The following FZD8 variants were observed in gnomAD, a reference collection of about 807,000 sequenced individuals.
FZD8 encodes frizzled-8.
In FZD8, 18 loss-of-function variants were observed where a neutral mutation model predicts 46.0. The observed-to-expected ratio is 0.39, with a 90% CI of 0.27 to 0.58. FZD8 has a LOEUF of 0.58. Ranked by LOEUF, FZD8 falls within the 20% of genes least tolerant of loss-of-function variation. The probability of loss-of-function intolerance (pLI) is 0.55; values close to 1 mark genes in which losing one functional copy is unlikely to be tolerated. For missense variants in FZD8, 785 were observed against 983.4 expected (o/e 0.80, Z 2.70); for synonymous variants, 586 against 467.9 (o/e 1.25, Z -3.26).
At position 35,641,103 on chromosome 10, in the gene FZD8, C is replaced by G. The variant is rs374523643; in HGVS notation, c.327G>C (p.Ser109=). 2.3e-5 allele frequency: 37 copies of G among 1,612,200 alleles called. No individual in the cohort carries two copies. The highest frequency in any genetic ancestry group is 1.6e-4 in the African/African-American group (12 of 75,014). Residue 109 remains serine, a synonymous_variant, in exon 1 of 1, where the codon TCG becomes TCC. Transcript: ENST00000374694. This position sits in a 1 kb window ranked among gnomAD's most constrained non-coding sequence, Gnocchi z 6.3. ...AGCCGGCCTTGGCGCGCTCGCACACCGAGCGGCAGGGCGGCAGCGGCTTCT... is the reference window on the plus strand; with the variant it reads ...AGCCGGCCTTGGCGCGCTCGCACACGGAGCGGCAGGGCGGCAGCGGCTTCT... ...DYKKPLPPCR[S]VCERAKAGCA...
At position 35,641,185 on chromosome 10, in the gene FZD8, G is replaced by T; in HGVS notation, c.245C>A (p.Pro82His). ...GCTGCACAGGAAGAACTTGAGATCG[G>T]GCGAGCACTGGATCTCCACCAGCGG... is the stretch of plus-strand genomic sequence containing the variant. ...FWPLVEIQCS[P>H]DLKFFLCSMY... The change falls in exon 1 of 1, where the codon CCC (proline) becomes CAC (histidine). Residue 82 changes from proline (P) to histidine (H), a missense_variant. Around this residue, in one of 5 missense-constraint regions of FZD8, gnomAD observed 354 missense variants for 433.2 expected, o/e 0.82. Transcript: ENST00000374694. The surrounding 1 kb of genome is among the most constrained non-coding windows in gnomAD (Gnocchi z 6.3). The T allele has an allele frequency of 6.2e-7, 1 of 1,613,968 alleles. No individual in the cohort carries two copies. The highest frequency in any genetic ancestry group is 8.5e-7 in the Non-Finnish European group (1 of 1,179,904).
rs766807354 is a variant in FZD8, at chr10:35,641,320, T to C, written c.110A>G (p.Glu37Gly). The stretch of plus-strand genomic sequence containing the variant: ...GCCCTTACACAGCGGCACGGTGATC[T>C]CTTGGCATGCCAGCTCCTTGGCCGA... The part of the protein sequence containing the change: ...AASAKELACQ[E>G]ITVPLCKGIG... The change falls in exon 1 of 1, where the codon GAG (glutamate) becomes GGG (glycine). Residue 37 changes from glutamate to glycine, a missense_variant. This residue lies in a region of FZD8 where 354 missense variants were observed against 433.2 expected (regional missense o/e 0.82). Transcript: ENST00000374694. This position sits in a 1 kb window ranked among gnomAD's most constrained non-coding sequence, Gnocchi z 6.3. The C allele has an allele frequency of 3.7e-6, 6 of 1,613,968 alleles. No homozygotes were observed. Among genetic ancestry groups the C allele is most frequent in the Non-Finnish European group, 5.1e-6 (6 of 1,179,912 alleles).
At position 35,639,504 on chromosome 10, in the gene FZD8, G is replaced by A; in HGVS notation, c.1926C>T (p.Gly642=). 1.1e-6 allele frequency: 1 copy of A among 928,664 alleles called. No individual in the cohort carries two copies. 57.5% of individuals were successfully genotyped at this position (928,664 alleles called of 1,614,324 possible). A position where few individuals can be genotyped will look rare whatever the true frequency, so the allele number is the denominator to read the frequency against. The change falls in exon 1 of 1, where the codon GGC becomes GGT. Residue 642 remains glycine (G), a synonymous_variant. Transcript: ENST00000374694. ...CCCCGCCGCCGCCGCCCCCCGGCCCGCCGCCACCCCCCGCGGCCGTGGCGC... is the reference window on the plus strand; with the variant it reads ...CCCCGCCGCCGCCGCCCCCCGGCCCACCGCCACCCCCCGCGGCCGTGGCGC... ...GAGATAAGGG[G]GPGGGGGGGP...
Position 35,639,900 on chromosome 10 carries a change from G to T in FZD8, c.1530C>A (p.Ile510=). The part of the protein sequence containing the change: ...LLAGFVSLFR[I]RSVIKQQDGP... ...CGTCCTGTTGCTTGATGACCGAGCG[G>T]ATGCGGAAGAGGGACACGAAGCCGG... The change falls in exon 1 of 1, where the codon ATC becomes ATA. Residue 510 remains isoleucine, a synonymous_variant. Coordinates refer to ENST00000374694, the MANE Select transcript of FZD8 (RefSeq NM_031866.3). 2.5e-6 allele frequency: 4 copies of T among 1,612,748 alleles called. No homozygotes were observed. Among genetic ancestry groups the T allele is most frequent in the Non-Finnish European group, 3.4e-6 (4 of 1,179,942 alleles).
At position 35,641,487 on chromosome 10, in the gene FZD8, G is replaced by GT. The variant is rs1038491757; in HGVS notation, c.-59_-58insA. ...CAGGCGGCGCGCAGAGGGGTGCCGG[G>GT]GGGGGGGCCCACGAGAGAGCCGCAG... is the stretch of plus-strand genomic sequence containing the variant. On this transcript the variant is annotated 5_prime_UTR_variant, in exon 1 of 1. Coordinates refer to ENST00000374694, the MANE Select transcript of FZD8 (RefSeq NM_031866.3). The surrounding 1 kb of genome is among the most constrained non-coding windows in gnomAD (Gnocchi z 6.3). 1,073 of 1,334,850 alleles carry GT rather than the reference G, an allele frequency of 8.0e-4. 3 individuals carry two copies. The highest frequency in any genetic ancestry group is 9.9e-4 in the Non-Finnish European group (995 of 1,004,608). 82.7% of individuals were successfully genotyped at this position (1,334,850 alleles called of 1,614,324 possible).
chr10:35,639,873 G>C lies in FZD8; in HGVS notation c.1557C>G (p.Gly519=). The part of the protein sequence containing the change: ...RIRSVIKQQD[G]PTKTHKLEKL... The stretch of plus-strand genomic sequence containing the variant: ...TCTCCAGCTTGTGCGTCTTGGTGGG[G>C]CCGTCCTGTTGCTTGATGACCGAGC... Residue 519 remains glycine (G), a synonymous_variant, in exon 1 of 1, where the codon GGC becomes GGG. Coordinates refer to ENST00000374694, the MANE Select transcript of FZD8 (RefSeq NM_031866.3). 1 of 1,611,172 alleles carries C rather than the reference G, an allele frequency of 6.2e-7. No individual in the cohort carries two copies. The highest frequency in any genetic ancestry group is 8.5e-7 in the Non-Finnish European group (1 of 1,179,888).
In FZD8 at chr10:35,639,813, G is replaced by C. The variant is rs1161838091; in HGVS notation, c.1617C>G (p.Leu539=). 3 of 1,604,394 alleles carry C rather than the reference G, an allele frequency of 1.9e-6. No homozygotes were observed. The highest frequency in any genetic ancestry group is 2.2e-5 in the South Asian group (2 of 91,054). ...LMIRLGLFTV[L]YTVPAAVVVA... is the part of the protein sequence containing the mutation. ...CCACCACCGCGGCGGGCACGGTGTA[G>C]AGCACGGTGAACAGGCCCAGGCGGA... is the stretch of plus-strand genomic sequence containing the variant. The change falls in exon 1 of 1, where the codon CTC becomes CTG. Residue 539 remains leucine (L), a synonymous_variant. Coordinates refer to ENST00000374694, the MANE Select transcript of FZD8 (RefSeq NM_031866.3).
In FZD8 at chr10:35,640,976, T is replaced by C; in HGVS notation, c.454A>G (p.Asn152Asp). Reference protein sequence around the residue: ...GNPDTLCMDYNRTDLTTAAPS... With the variant: ...GNPDTLCMDYDRTDLTTAAPS... ...GCGGCGGTGGTTAGGTCGGTGCGGT[T>C]GTAGTCCATGCACAGCGTGTCAGGG... Residue 152 changes from asparagine to aspartate, a missense_variant, in exon 1 of 1, where the codon AAC becomes GAC. Asn to Asp is a conservative substitution (Grantham distance 23). This residue lies in a region of FZD8 where 354 missense variants were observed against 433.2 expected (regional missense o/e 0.82). Coordinates refer to ENST00000374694, the MANE Select transcript of FZD8 (RefSeq NM_031866.3). 6.3e-7 allele frequency: 1 copy of C among 1,596,116 alleles called. No homozygotes were observed. Among genetic ancestry groups the C allele is most frequent in the Non-Finnish European group, 8.5e-7 (1 of 1,172,870 alleles).
rs756111900 is a variant in FZD8, at chr10:35,640,337, C to G, written c.1093G>C (p.Ala365Pro). The G allele has an allele frequency of 3.6e-4, 351 of 963,600 alleles. 4 individuals are homozygous for G. In the South Asian group the frequency reaches 8.3e-3, roughly 23 times the overall value. The allele number at this position is 963,600 out of a possible 1,614,324, so 59.7% of individuals were successfully genotyped here. ...CGCCCGCCCGGGCCGCCCGCGCCCG[C>G]GCCCGCCGCGCCCGCGCCCGCCGCC... is the stretch of plus-strand genomic sequence containing the variant. ...GAAAGAGAAG[A>P]GAGGPGGRGE... The change falls in exon 1 of 1, where the codon GCG becomes CCG. Residue 365 changes from alanine (A) to proline (P), a missense_variant. Transcript: ENST00000374694.
In FZD8 at chr10:35,641,233, C is replaced by T; in HGVS notation, c.197G>A (p.Gly66Asp). 1 of 1,614,086 alleles carries T rather than the reference C, an allele frequency of 6.2e-7. No individual in the cohort carries two copies. Among genetic ancestry groups the T allele is most frequent in the Non-Finnish European group, 8.5e-7 (1 of 1,179,956 alleles). Residue 66 changes from glycine (G) to aspartate (D), a missense_variant, in exon 1 of 1, where the codon GGC becomes GAC. Coordinates refer to ENST00000374694, the MANE Select transcript of FZD8 (RefSeq NM_031866.3). This position sits in a 1 kb window ranked among gnomAD's most constrained non-coding sequence, Gnocchi z 6.3. ...CGGCCAGAACTGGTGCACCTCCAGG[C>T]CCGCCTCGTCTTGCGTGTCGTGGTT... Reference protein sequence around the residue: ...QFNHDTQDEAGLEVHQFWPLV... With the variant: ...QFNHDTQDEADLEVHQFWPLV...
In FZD8 at chr10:35,639,741, G is replaced by C; in HGVS notation, c.1689C>G (p.Ala563=). Residue 563 remains alanine, a synonymous_variant, in exon 1 of 1, where the codon GCC becomes GCG. Transcript: ENST00000374694. ...YEQHNRPRWE[A]THNCPCLRDL... is the part of the protein sequence containing the mutation. ...CCCGCAGGCACGGGCAGTTGTGCGT[G>C]GCCTCCCAGCGCGGGCGGTTGTGCT... 2 of 1,600,286 alleles carry C rather than the reference G, an allele frequency of 1.2e-6. No homozygotes were observed. Among genetic ancestry groups the C allele is most frequent in the East Asian group, 4.5e-5 (2 of 44,872 alleles).
chr10:35,640,854 G>A lies in FZD8; in HGVS notation c.576C>T (p.His192=), dbSNP rs1835848604. Residue 192 remains histidine (H), a synonymous_variant, in exon 1 of 1, where the codon CAC becomes CAT. Transcript: ENST00000374694. The stretch of plus-strand genomic sequence containing the variant: ...CGCCACCGCCCCTGCCGCCGCCGCG[G>A]TGCGGGGGCCTGGCCCCCGGCGGGC... The part of the protein sequence containing the change: ...HGRPPGARPP[H]RGGGRGGGGG... The A allele has an allele frequency of 2.0e-6, 2 of 978,742 alleles. No homozygotes were observed. Among genetic ancestry groups the A allele is most frequent in the South Asian group, 4.6e-5 (1 of 21,654 alleles). 60.6% of individuals were successfully genotyped at this position (978,742 alleles called of 1,614,324 possible).
chr10:35,639,871 G>T lies in FZD8; in HGVS notation c.1559C>A (p.Pro520His). Residue 520 changes from proline to histidine, a missense_variant, in exon 1 of 1, where the codon CCC becomes CAC. Physicochemically the swap from Pro to His is moderately conservative, Grantham distance 77. This residue lies in a region of FZD8 where 147 missense variants were observed against 242.5 expected (regional missense o/e 0.61). Transcript: ENST00000374694. Reference protein sequence around the residue: ...IRSVIKQQDGPTKTHKLEKLM... With the variant: ...IRSVIKQQDGHTKTHKLEKLM... ...CTTCTCCAGCTTGTGCGTCTTGGTG[G>T]GGCCGTCCTGTTGCTTGATGACCGA... The T allele has an allele frequency of 6.2e-7, 1 of 1,611,116 alleles. No individual in the cohort carries two copies.
rs1237722747 is a variant in FZD8, at chr10:35,639,275, G to C, written c.*70C>G. On this transcript the variant is annotated 3_prime_UTR_variant, in exon 1 of 1. Coordinates refer to ENST00000374694, the MANE Select transcript of FZD8 (RefSeq NM_031866.3). ...AGGGGTGGGAACCTCAGCCCATCAA[G>C]TGTCCCTTCGCTGCACTTGGCTCTC... 1 of 731,586 alleles carries C rather than the reference G, an allele frequency of 1.4e-6. No individual in the cohort carries two copies. The highest frequency in any genetic ancestry group is 2.0e-6 in the Non-Finnish European group (1 of 507,154). 45.3% of individuals were successfully genotyped at this position (731,586 alleles called of 1,614,324 possible). A position where few individuals can be genotyped will look rare whatever the true frequency, so the allele number is the denominator to read the frequency against.
chr10:35,641,488 G>GA lies in FZD8; in HGVS notation c.-60_-59insT. 3 of 1,513,842 alleles carry GA rather than the reference G, an allele frequency of 2.0e-6. No individual in the cohort carries two copies. The highest frequency in any genetic ancestry group is 2.6e-6 in the Non-Finnish European group (3 of 1,137,780). 93.8% of individuals were successfully genotyped at this position (1,513,842 alleles called of 1,614,324 possible). ...AGGCGGCGCGCAGAGGGGTGCCGGGGGGGGGGCCCACGAGAGAGCCGCAGA... is the reference window on the plus strand; with the variant it reads ...AGGCGGCGCGCAGAGGGGTGCCGGGGAGGGGGGCCCACGAGAGAGCCGCAGA... On this transcript the variant is annotated 5_prime_UTR_variant, in exon 1 of 1. Transcript: ENST00000374694. This position sits in a 1 kb window ranked among gnomAD's most constrained non-coding sequence, Gnocchi z 6.3.
Position 35,641,461 on chromosome 10 carries a change from C to T in FZD8, c.-32G>A. 1 of 1,539,770 alleles carries T rather than the reference C, an allele frequency of 6.5e-7. No homozygotes were observed. Among genetic ancestry groups the T allele is most frequent in the Non-Finnish European group, 8.7e-7 (1 of 1,150,732 alleles). On this transcript the variant is annotated 5_prime_UTR_variant, in exon 1 of 1. Coordinates refer to ENST00000374694, the MANE Select transcript of FZD8 (RefSeq NM_031866.3). The surrounding 1 kb of genome is among the most constrained non-coding windows in gnomAD (Gnocchi z 6.3). Reference sequence around the variant, plus strand: ...CGCCTCGGCCCGGTGCCCTCGCCCTCCAGGCGGCGCGCAGAGGGGTGCCGG... The same window carrying T: ...CGCCTCGGCCCGGTGCCCTCGCCCTTCAGGCGGCGCGCAGAGGGGTGCCGG...
In FZD8 at chr10:35,640,835, C is replaced by CGCCCCT; in HGVS notation, c.589_594dup (p.Arg197_Gly198dup). 7 of 979,246 alleles carry CGCCCCT rather than the reference C, an allele frequency of 7.1e-6. No individual in the cohort carries two copies. Among genetic ancestry groups the CGCCCCT allele is most frequent in the Non-Finnish European group, 8.5e-6 (7 of 827,282 alleles). 60.7% of individuals were successfully genotyped at this position (979,246 alleles called of 1,614,324 possible). Reference sequence around the variant, plus strand: ...GGCGCCGCCGCGTCCCCGCCGCCACCGCCCCTGCCGCCGCCGCGGTGCGGG... The same window carrying CGCCCCT: ...GGCGCCGCCGCGTCCCCGCCGCCACCGCCCCTGCCCCTGCCGCCGCCGCGGTGCGGG... On this transcript the variant is annotated inframe_insertion, in exon 1 of 1. Transcript: ENST00000374694.
chr10:35,640,368 G>GCCCGCGCCC lies in FZD8; in HGVS notation c.1053_1061dup (p.Gly354_Ala356dup), dbSNP rs1835836033. On this transcript the variant is annotated inframe_insertion, in exon 1 of 1. Transcript: ENST00000374694. ...CCGCGCCCGCGCCCGCCGCCGCGCC[G>GCCCGCGCCC]CCCGCGCCCCCAGCGCCCCCCGCGC... is the stretch of plus-strand genomic sequence containing the variant. The GCCCGCGCCC allele has an allele frequency of 1.0e-6, 1 of 973,232 alleles. No homozygotes were observed. The allele number at this position is 973,232 out of a possible 1,614,324, so 60.3% of individuals were successfully genotyped here.
Position 35,640,821 on chromosome 10 carries a change from G to C in FZD8, c.609C>G (p.Asp203Glu). The C allele has an allele frequency of 2.0e-6, 2 of 982,134 alleles. No individual in the cohort carries two copies. The highest frequency in any genetic ancestry group is 2.4e-6 in the Non-Finnish European group (2 of 829,410). The allele number at this position is 982,134 out of a possible 1,614,324, so 60.8% of individuals were successfully genotyped here. The change falls in exon 1 of 1, where the codon GAC (aspartate) becomes GAG (glutamate). Residue 203 changes from aspartate to glutamate, a missense_variant. Asp to Glu is a conservative substitution (Grantham distance 45, BLOSUM62 2). Around this residue, in one of 5 missense-constraint regions of FZD8, gnomAD observed 354 missense variants for 433.2 expected, o/e 0.82. Transcript: ENST00000374694. ...RGGGRGGGGG[D>E]AAAPPARGGG... ...CGCCGCGAGCTGGGGGCGCCGCCGCGTCCCCGCCGCCACCGCCCCTGCCGC... is the reference window on the plus strand; with the variant it reads ...CGCCGCGAGCTGGGGGCGCCGCCGCCTCCCCGCCGCCACCGCCCCTGCCGC...
Sources: allele counts gnomAD v4.1 joint callset, GRCh38; gene constraint gnomAD v4.1.1; regional missense constraint gnomAD v4.1.1; non-coding constraint Gnocchi (gnomAD v3.1); transcripts MANE v1.5; gene names NCBI Gene and HGNC (gene_info 2026-07-23, HGNC 2026-07-21).